MAP2: variants seen among roughly 807,000 people sequenced by gnomAD.
MAP2 encodes the protein microtubule associated protein 2, also known as microtubule-associated protein 2.
A neutral mutation model predicts 137.6 loss-of-function variants in MAP2; 14 were observed. The observed-to-expected ratio is 0.10, with a 90% CI of 0.07 to 0.16. The LOEUF (loss-of-function observed/expected upper bound fraction) is 0.16, where lower values mean the gene tolerates loss of function less well. Ranked by LOEUF, MAP2 falls within the 10% of genes least tolerant of loss-of-function variation. The pLI is 1.00. For missense variants in MAP2, 2,088 were observed against 2,191.5 expected (o/e 0.95, Z 0.94); for synonymous variants, 786 against 782.3 (o/e 1.00, Z -0.08).
chr2:209,574,609 C>T (rs1286560218), intron 2 of MAP2, among the ~76,000 whole-genome samples: 3 of 152,198 alleles, frequency 2.0e-5, no homozygotes, highest in Admixed American at 1.3e-4. Flanking sequence ...CCATGTATAG[C>T]TTCTCTAGGT....
intron 2 of MAP2, among the ~76,000 whole-genome samples, chr2:209,558,009 C>T (rs1412311335): frequency 1.3e-5 from 2 of 152,220 alleles, no homozygotes; most frequent in Middle Eastern, 6.8e-3. Flanking sequence ...AATTTTAAAG[C>T]TACAGAACAA....
intron 2 of MAP2, among the ~76,000 whole-genome samples, chr2:209,508,061 G>A (rs1023263253): frequency 1.3e-5 from 2 of 151,922 alleles, no homozygotes; most frequent in Admixed American, 1.3e-4. Context: ...TCGTAAAGAG[G>A]GTAGAATTGA....
intron 13 of MAP2, chr2:209,723,509 C>G (rs1284825139): frequency 3.9e-6 from 3 of 764,454 alleles, no homozygotes; most frequent in South Asian, 1.4e-5. Context: ...GAATCTAAAG[C>G]CTCTTTGATG....
Position 209,624,350 on chromosome 2 carries a change from T to C in MAP2, c.-106-703T>C, listed in dbSNP as rs577307175. On this transcript the variant is annotated intron_variant, in intron 3 of 15. Transcript: ENST00000682079. Reference sequence around the variant, plus strand: ...TGGCCCTCAGCTCTGCAATCCCTTATGTATTGTGCGTCCTTTGTAGTCCTC... The same window carrying C: ...TGGCCCTCAGCTCTGCAATCCCTTACGTATTGTGCGTCCTTTGTAGTCCTC... Among the ~76,000 whole-genome samples, 11 of 152,282 alleles carry C rather than the reference T, an allele frequency of 7.2e-5. No homozygotes were observed. In the East Asian group the frequency reaches 2.1e-3, roughly 29 times the overall value.
intron 3 of MAP2, among the ~76,000 whole-genome samples, chr2:209,594,289 C>T (rs1332317643): frequency 6.6e-6 from 1 of 152,050 alleles, no homozygotes; most frequent in East Asian, 1.9e-4. Context: ...AAACTGATCA[C>T]ATGCTTTCAT....
At chr2:209,525,129 TTCTGTA>T (rs1340097119) in intron 2 of MAP2, among the ~76,000 whole-genome samples, 1 of 152,174 alleles carries the variant, frequency 6.6e-6, no homozygotes, top group African/African-American at 2.4e-5. Flanking sequence ...ATAAAGACTA[TTCTGTA>T]TCTACCATCT....
rs528747793 is a variant in MAP2, at chr2:209,598,405, T to A, written c.-107+18305T>A. 7.9e-4 allele frequency among the ~76,000 whole-genome samples: 120 copies of A among 152,110 alleles called. 2 individuals are homozygous for A. In the South Asian group the frequency reaches 0.011, roughly 14 times the overall value. On this transcript the variant is annotated intron_variant, in intron 3 of 15. Transcript: ENST00000682079. ...GTTGTCGACTAACTGATACTTTTTT[T>A]AAAATTTATTTATTTTATTTATTTA...
In MAP2 at chr2:209,674,228, A is replaced by G. The variant is rs570482753; in HGVS notation, c.263-4344A>G. Among the ~76,000 whole-genome samples the G allele has an allele frequency of 2.6e-5, 4 of 151,986 alleles. No individual in the cohort carries two copies. The South Asian group carries it at 8.3e-4, about 31-fold the overall frequency. The stretch of plus-strand genomic sequence containing the variant: ...GTTGGGCTGACCTTTAGTGCATATC[A>G]CTATTGCTCTTTCTTTAAAGTAGAA... On this transcript the variant is annotated intron_variant, in intron 5 of 15. Coordinates refer to ENST00000682079, the MANE Select transcript of MAP2 (RefSeq NM_001375505.1).
intron 10 of MAP2, 34 bp from the exon 11 acceptor site, chr2:209,700,243 A>C: frequency 6.3e-7 from 1 of 1,591,956 alleles, no homozygotes. Context: ...TTTAGCAACT[A>C]AGTTTGGGGT....
At chr2:209,553,262 C>T (rs1287883132) in intron 2 of MAP2, among the ~76,000 whole-genome samples, 1 of 152,066 alleles carries the variant, frequency 6.6e-6, no homozygotes, top group East Asian at 1.9e-4. Flanking sequence ...CCACCAGCCT[C>T]GGCCTCCCAA....
intron 10 of MAP2, 33 bp from the exon 11 acceptor site, chr2:209,700,244 A>G: frequency 6.3e-7 from 1 of 1,595,720 alleles, no homozygotes. Context: ...TTAGCAACTA[A>G]GTTTGGGGTT....
chr2:209,511,253 G>A (rs188809343), intron 2 of MAP2, among the ~76,000 whole-genome samples: 10 of 152,064 alleles, frequency 6.6e-5, no homozygotes, highest in African/African-American at 1.4e-4. Flanking sequence ...TTTTGTATCC[G>A]TTTCTTCTTC....
intron 3 of MAP2, among the ~76,000 whole-genome samples, chr2:209,623,340 AT>A (rs1157090872): frequency 7.2e-5 from 11 of 152,174 alleles, no homozygotes; most frequent in African/African-American, 2.7e-4. Flanking sequence ...ACTGATTCAT[AT>A]TTTATAAAAT....
chr2:209,558,308 C>CGG (rs1460484121), intron 2 of MAP2, among the ~76,000 whole-genome samples: 2 of 152,148 alleles, frequency 1.3e-5, no homozygotes, highest in Non-Finnish European at 2.9e-5. Context: ...CCTGCCTCAG[C>CGG]CTCCCAAGTA....
At chr2:209,514,532 A>T (rs536773130) in intron 2 of MAP2, among the ~76,000 whole-genome samples, 16 of 152,174 alleles carry the variant, frequency 1.1e-4, no homozygotes, top group African/African-American at 3.9e-4. Flanking sequence ...TCTGTAAAAA[A>T]GAATCCCATT....
At chr2:209,520,322 C>G (rs921790672) in intron 2 of MAP2, among the ~76,000 whole-genome samples, 2 of 152,042 alleles carry the variant, frequency 1.3e-5, no homozygotes, top group Non-Finnish European at 2.9e-5. Context: ...TCCATATGCT[C>G]TAATAAAAGC....
chr2:209,462,416 C>T (rs1703044960), intron 1 of MAP2, among the ~76,000 whole-genome samples: 1 of 152,134 alleles, frequency 6.6e-6, no homozygotes, highest in South Asian at 2.1e-4. Flanking sequence ...TGCCATGGAA[C>T]TAAAAATATT....
At chr2:209,498,718 C>T (rs2060039910) in intron 1 of MAP2, among the ~76,000 whole-genome samples, 1 of 152,230 alleles carries the variant, frequency 6.6e-6, no homozygotes. Context: ...CTCTCCAGAG[C>T]AGTGGTATGA....
In MAP2 at chr2:209,664,116, T is replaced by C. The variant is rs12618419; in HGVS notation, c.262+10684T>C. On this transcript the variant is annotated intron_variant, in intron 5 of 15. Transcript: ENST00000682079. ...CATTTTACTGAGGTTACTTGTTATT[T>C]GTTTTTATTACAGTCAGTAGGTTGG... Among the ~76,000 whole-genome samples the C allele has an allele frequency of 7.9e-5, 12 of 152,388 alleles. No individual in the cohort carries two copies. The East Asian group carries it at 2.3e-3, about 29-fold the overall frequency.
Sources: gnomAD v4.1 joint callset for allele counts (sites outside exome capture counted in the v4.1 genomes callset) on GRCh38, gnomAD v4.1.1 for gene constraint, MANE v1.5 for transcripts, NCBI Gene and HGNC (gene_info 2026-07-23, HGNC 2026-07-21) for gene names.